FUT8: variants seen among roughly 807,000 people sequenced by gnomAD.
FUT8 encodes the protein fucosyltransferase 8, also known as alpha-(1,6)-fucosyltransferase.
In FUT8, 29 loss-of-function variants were observed where a neutral mutation model predicts 71.3. The ratio of observed to expected loss-of-function variants is 0.41; its 90% CI spans 0.30 to 0.55. FUT8 has a LOEUF of 0.55. FUT8 is among the 20% of genes least tolerant of loss of function. FUT8 has a pLI of 0.34. For missense variants in FUT8, 544 were observed against 702.1 expected (o/e 0.77, Z 2.55); for synonymous variants, 254 against 239.3 (o/e 1.06, Z -0.57).
intron 1 of FUT8, among the ~76,000 whole-genome samples, chr14:65,415,754 A>G (rs1369451224): frequency 6.6e-6 from 1 of 151,558 alleles, no homozygotes; most frequent in Non-Finnish European, 1.5e-5. Flanking sequence ...GGAGAACAAT[A>G]TCCCCAGGTC....
intron 6 of FUT8, among the ~76,000 whole-genome samples, chr14:65,650,562 G>T (rs1487489924): frequency 1.3e-5 from 2 of 151,514 alleles, no homozygotes; most frequent in Non-Finnish European, 2.9e-5. Context: ...ATACTAGCAG[G>T]GTGTTAAGCC....
At chr14:65,636,689 G>GTCA (rs956665146) in intron 6 of FUT8, 1 of 152,120 alleles carries the variant, frequency 6.6e-6, no homozygotes, top group African/African-American at 2.4e-5. Context: ...CTAGTTTACA[G>GTCA]TCATATATAG....
intron 2 of FUT8, among the ~76,000 whole-genome samples, chr14:65,534,305 A>C (rs1884147345): frequency 6.8e-6 from 1 of 147,308 alleles, no homozygotes; most frequent in Non-Finnish European, 1.5e-5. Flanking sequence ...ATTTTATTTT[A>C]TTTTTTATTT....
intron 7 of FUT8, among the ~76,000 whole-genome samples, chr14:65,706,769 A>C (rs542227213): frequency 4.6e-5 from 7 of 152,096 alleles, no homozygotes; most frequent in Non-Finnish European, 1.0e-4. Context: ...GAGACCTCCT[A>C]ATACCATCAC....
the FUT8 span, among the ~76,000 whole-genome samples, chr14:65,400,088 A>C: frequency 6.6e-5 from 10 of 152,224 alleles, no homozygotes; most frequent in Non-Finnish European, 1.2e-4. Context: ...GAAAGAGTGA[A>C]TAGAACATTG....
At chr14:65,368,296 G>T in the FUT8 span, among the ~76,000 whole-genome samples, 1 of 116,692 alleles carries the variant, frequency 8.6e-6, no homozygotes, top group Admixed American at 8.8e-5. Context: ...CTTGTGATCC[G>T]CCCGCCTCGG....
At chr14:65,391,576 G>A in the FUT8 span, among the ~76,000 whole-genome samples, 4 of 152,152 alleles carry the variant, frequency 2.6e-5, no homozygotes, top group African/African-American at 9.7e-5. Flanking sequence ...AGCTGGTCTC[G>A]AACTCCTGAC....
At position 65,474,441 on chromosome 14, in the gene FUT8, G is replaced by GGAAAAAAAAAAAAAAAAAAAA. The variant is rs2066199474; in HGVS notation, c.-228+18723_-228+18724insGAAAAAAAAAAAAAAAAAAAA. Reference sequence around the variant, plus strand: ...AACATGGTGAAAACCTGTCTCTACTGAAAAAAAAAAAAAAAAGCCAGGCGT... The same window carrying GGAAAAAAAAAAAAAAAAAAAA: ...AACATGGTGAAAACCTGTCTCTACTGGAAAAAAAAAAAAAAAAAAAAAAAAAAAAAAAAAAAAGCCAGGCGT... On this transcript the variant is annotated intron_variant, in intron 2 of 10. Transcript: ENST00000673929. Among the ~76,000 whole-genome samples, 5 of 39,692 alleles carry GGAAAAAAAAAAAAAAAAAAAA rather than the reference G, an allele frequency of 1.3e-4. No individual in the cohort carries two copies. In the East Asian group the frequency reaches 5.1e-3, roughly 41 times the overall value. 26.0% of individuals were successfully genotyped at this position (39,692 alleles called of 152,430 possible). A position where few individuals can be genotyped will look rare whatever the true frequency, so the allele number is the denominator to read the frequency against.
rs752039426 is a variant in FUT8 at position 65,629,618 on chromosome 14, G to A, written c.597+12G>A. On this transcript the variant is annotated intron_variant, in intron 6 of 10. Transcript: ENST00000673929. ...TAACATATCTTCAGGTAAGAAGGTTGGGTTAAGAATAAATTTGAGTGAAAA... is the reference window on the plus strand; with the variant it reads ...TAACATATCTTCAGGTAAGAAGGTTAGGTTAAGAATAAATTTGAGTGAAAA... 1.8e-4 allele frequency: 281 copies of A among 1,559,566 alleles called. 1 individual carries two copies. The highest frequency in any genetic ancestry group is 4.3e-4 in the South Asian group (39 of 89,792).
intron 3 of FUT8, among the ~76,000 whole-genome samples, chr14:65,598,761 A>C (rs1298283879): frequency 6.6e-6 from 1 of 152,162 alleles, no homozygotes; most frequent in Non-Finnish European, 1.5e-5. Flanking sequence ...AAGTTAAGTA[A>C]AAATTTACAA....
the FUT8 span, among the ~76,000 whole-genome samples, chr14:65,367,515 G>C: frequency 2.0e-5 from 3 of 152,112 alleles, no homozygotes; most frequent in African/African-American, 7.2e-5. Flanking sequence ...TGGAAAGAAA[G>C]TCCTAAAAAG....
intron 6 of FUT8, among the ~76,000 whole-genome samples, chr14:65,641,984 T>C (rs1324015671): frequency 1.3e-5 from 2 of 152,128 alleles, no homozygotes; most frequent in African/African-American, 4.8e-5. Flanking sequence ...GTTTGCAGCT[T>C]GCCTTCTAAT....
chr14:65,447,598 A>G (rs1247632691), intron 1 of FUT8, among the ~76,000 whole-genome samples: 1 of 151,918 alleles, frequency 6.6e-6, no homozygotes, highest in Admixed American at 6.5e-5. Context: ...CATTTTTTTC[A>G]AATGGTATCT....
intron 5 of FUT8, among the ~76,000 whole-genome samples, chr14:65,619,851 A>C (rs1889506508): frequency 6.6e-6 from 1 of 152,220 alleles, no homozygotes; most frequent in East Asian, 1.9e-4. Flanking sequence ...AATTGACCCT[A>C]GCCTACCTCT....
At chr14:65,398,015 T>G in the FUT8 span, among the ~76,000 whole-genome samples, 1 of 152,222 alleles carries the variant, frequency 6.6e-6, no homozygotes, top group Non-Finnish European at 1.5e-5. Context: ...CAATTTTCAT[T>G]TTGACTGTAA....
In FUT8 at chr14:65,611,286, CACACACACACACA is replaced by C. The variant is rs1566851511; in HGVS notation, c.204-4691_204-4679del. Among the ~76,000 whole-genome samples the C allele has an allele frequency of 3.1e-4, 13 of 42,090 alleles. 1 individual carries two copies. Among genetic ancestry groups the C allele is most frequent in the African/African-American group, 5.7e-4 (6 of 10,470 alleles). The allele number at this position is 42,090 out of a possible 152,430, so 27.6% of individuals were successfully genotyped here. A position where few individuals can be genotyped will look rare whatever the true frequency, so the allele number is the denominator to read the frequency against. ...ACACACACACACACACACACACACA[CACACACACACACA>C]CACCCCCCAAGTAATAGCCTTGATT... is the stretch of plus-strand genomic sequence containing the variant. On this transcript the variant is annotated intron_variant, in intron 3 of 10. Transcript: ENST00000673929.
chr14:65,546,861 T>C, intron 2 of FUT8, among the ~76,000 whole-genome samples: 1 of 151,778 alleles, frequency 6.6e-6, no homozygotes, highest in Non-Finnish European at 1.5e-5. Flanking sequence ...GTTTTCTTCA[T>C]GGGAAGATTT....
At chr14:65,364,756 C>T in the FUT8 span, among the ~76,000 whole-genome samples, 2 of 152,212 alleles carry the variant, frequency 1.3e-5, no homozygotes, top group Non-Finnish European at 2.9e-5. Flanking sequence ...TGCCTGAAAT[C>T]TTGCCAAGAT....
In FUT8 at chr14:65,590,346, G is replaced by A. The variant is rs1169175321; in HGVS notation, c.204-25632G>A. Reference sequence around the variant, plus strand: ...GCATATCCAGTTCATTTATCACATGGTATAAAAAGAAACTCACATGGAAGG... The same window carrying A: ...GCATATCCAGTTCATTTATCACATGATATAAAAAGAAACTCACATGGAAGG... On this transcript the variant is annotated intron_variant, in intron 3 of 10. Coordinates refer to ENST00000673929, the MANE Select transcript of FUT8 (RefSeq NM_001371533.1). Among the ~76,000 whole-genome samples the A allele has an allele frequency of 2.0e-5, 3 of 152,184 alleles. No individual in the cohort carries two copies. In the South Asian group the frequency reaches 6.2e-4, roughly 32 times the overall value.
Sources: allele counts gnomAD v4.1 joint callset (sites outside exome capture counted in the v4.1 genomes callset), GRCh38; gene constraint gnomAD v4.1.1; transcripts MANE v1.5; gene names NCBI Gene and HGNC (gene_info 2026-07-23, HGNC 2026-07-21).